FAM53A: variants seen among roughly 807,000 people sequenced by gnomAD.
The protein encoded by FAM53A is family with sequence similarity 53 member A.
FAM53A carries 28 observed loss-of-function variants against 26.6 expected under a neutral mutation model. That is an observed-to-expected ratio of 1.05 (90% CI 0.78 to 1.45). The LOEUF (loss-of-function observed/expected upper bound fraction) is 1.45, where lower values mean the gene tolerates loss of function less well. Ranked by LOEUF, FAM53A falls within the 40% of genes most tolerant of loss-of-function variation. The pLI, the probability that FAM53A is intolerant of heterozygous loss-of-function variation, is 0.00. For synonymous variants in FAM53A, 290 were observed against 253.1 expected, an observed-to-expected ratio of 1.15 and a Z score of -1.38; for missense variants, 650 against 575.8, an observed-to-expected ratio of 1.13 and a Z score of -1.32.
chr4:1,593,200 G>A, the FAM53A span, among the ~76,000 whole-genome samples: 2 of 152,186 alleles, frequency 1.3e-5, no homozygotes, highest in African/African-American at 2.4e-5. Flanking sequence ...CACCGGCCTC[G>A]CGGGTCCAGG....
intron 2 of FAM53A, among the ~76,000 whole-genome samples, chr4:1,660,062 C>T (rs1452957925): frequency 1.3e-5 from 2 of 151,980 alleles, no homozygotes; most frequent in Non-Finnish European, 2.9e-5. Flanking sequence ...GCGGGAGGAT[C>T]GCTTGAGCTC....
intron 1 of FAM53A, among the ~76,000 whole-genome samples, chr4:1,677,743 G>C (rs1715140535): frequency 6.6e-6 from 1 of 152,120 alleles, no homozygotes; most frequent in African/African-American, 2.4e-5. Flanking sequence ...AACTCACCCT[G>C]AGACCAGCCT....
intron 1 of FAM53A, among the ~76,000 whole-genome samples, chr4:1,624,135 C>G (rs1715177335): frequency 6.6e-6 from 1 of 152,248 alleles, no homozygotes; most frequent in Admixed American, 6.5e-5. Flanking sequence ...AGAAGAGCCC[C>G]TTGCTCAGTG....
At chr4:1,665,963 C>CTGT (rs1331914613) in intron 2 of FAM53A, among the ~76,000 whole-genome samples, 11 of 126,260 alleles carry the variant, frequency 8.7e-5, no homozygotes, top group South Asian at 2.6e-4. Context: ...CCTGCACCCC[C>CTGT]ATATCTAAAA....
At chr4:1,611,280 C>T in the FAM53A span, among the ~76,000 whole-genome samples, 5 of 152,118 alleles carry the variant, frequency 3.3e-5, no homozygotes, top group South Asian at 2.1e-4. Context: ...GGGGTCTGTC[C>T]GTGGGCCCTG....
Position 1,655,300 on chromosome 4 carries a change from G to A in FAM53A, c.560C>T (p.Pro187Leu), listed in dbSNP as rs367984289. 7.9e-4 allele frequency: 1,126 copies of A among 1,424,198 alleles called. 1 individual carries two copies. Among genetic ancestry groups the A allele is most frequent in the Middle Eastern group, 5.2e-3 (28 of 5,420 alleles). The allele number at this position is 1,424,198 out of a possible 1,614,324, so 88.2% of individuals were successfully genotyped here. Reference protein sequence around the residue: ...TGPTSPATPRPSSASGGFVDS... With the variant: ...TGPTSPATPRLSSASGGFVDS... Reference sequence around the variant, plus strand: ...CACGAAGCCGCCGCTGGCGGAGGACGGCCGGGGCGTGGCGGGCGAGGTGGG... The same window carrying A: ...CACGAAGCCGCCGCTGGCGGAGGACAGCCGGGGCGTGGCGGGCGAGGTGGG... The change falls in exon 4 of 5, where the codon CCG becomes CTG. Residue 187 changes from proline to leucine, a missense_variant. Transcript: ENST00000308132.
chr4:1,675,172 G>A (rs894571775), intron 1 of FAM53A, among the ~76,000 whole-genome samples: 6 of 152,242 alleles, frequency 3.9e-5, no homozygotes, highest in South Asian at 2.1e-4. Flanking sequence ...AGACCTCTGG[G>A]TTCCAGGTAG....
intron 2 of FAM53A, among the ~76,000 whole-genome samples, chr4:1,665,160 C>CA (rs1714131862): frequency 1.3e-5 from 2 of 151,340 alleles, no homozygotes; most frequent in South Asian, 2.1e-4. Flanking sequence ...ATTAAAAATA[C>CA]AAAAAAAATT....
chr4:1,629,477 T>C (rs4865427), intron 1 of FAM53A, among the ~76,000 whole-genome samples: 13,828 of 152,224 alleles, frequency 0.091, 652 homozygotes, highest in Middle Eastern at 0.19. Context: ...CAGGGGGCAG[T>C]AGGAGACATG....
chr4:1,648,382 G>A (rs1305757678), intron 4 of FAM53A, among the ~76,000 whole-genome samples: 1 of 152,192 alleles, frequency 6.6e-6, no homozygotes, highest in African/African-American at 2.4e-5. Context: ...GAGGGACACA[G>A]AGAAAGGTGG....
chr4:1,680,337 A>C (rs558820960), intron 1 of FAM53A, among the ~76,000 whole-genome samples: 28,394 of 148,016 alleles, frequency 0.19, 3,601 homozygotes, highest in Middle Eastern at 0.27. Flanking sequence ...AAAAAAAAAA[A>C]AAAAAAAACA....
intron 2 of FAM53A, among the ~76,000 whole-genome samples, chr4:1,663,908 A>G (rs2108969569): frequency 6.6e-6 from 1 of 152,222 alleles, no homozygotes; most frequent in South Asian, 2.1e-4. Flanking sequence ...ACTAGAGGAA[A>G]CCATAAGGGG....
At chr4:1,584,415 A>G in the FAM53A span, among the ~76,000 whole-genome samples, 1 of 152,254 alleles carries the variant, frequency 6.6e-6, no homozygotes, top group Non-Finnish European at 1.5e-5. Context: ...AATTTTCCCA[A>G]CATTATATGT....
At chr4:1,685,575 G>A (rs1715766404), upstream of FAM53A, among the ~76,000 whole-genome samples, 1 of 152,136 alleles carries the variant, frequency 6.6e-6, no homozygotes, top group African/African-American at 2.4e-5. Flanking sequence ...AACAGGTTCT[G>A]GGCCTGGTAA....
chr4:1,597,286 A>C, the FAM53A span, among the ~76,000 whole-genome samples: 3 of 145,502 alleles, frequency 2.1e-5, no homozygotes, highest in African/African-American at 2.6e-5. Context: ...TCCTCCCCCC[A>C]CCACTGCCCA....
intron 1 of FAM53A, among the ~76,000 whole-genome samples, chr4:1,623,418 G>T (rs2108750167): frequency 6.6e-6 from 1 of 152,008 alleles, no homozygotes; most frequent in East Asian, 1.9e-4. Flanking sequence ...GATGGCAGCT[G>T]TGAGGCTTGG....
the FAM53A span, among the ~76,000 whole-genome samples, chr4:1,608,686 C>A: frequency 2.6e-5 from 4 of 152,298 alleles, no homozygotes; most frequent in South Asian, 8.3e-4. Flanking sequence ...ACCTGACACC[C>A]GCTGCCCACC....
chr4:1,577,414 G>A, the FAM53A span, among the ~76,000 whole-genome samples: 1 of 152,120 alleles, frequency 6.6e-6, no homozygotes, highest in Non-Finnish European at 1.5e-5. Context: ...CAGCTCCCGT[G>A]GCCACAGGGT....
chr4:1,596,081 C>T, the FAM53A span, among the ~76,000 whole-genome samples: 42 of 152,332 alleles, frequency 2.8e-4, no homozygotes, highest in African/African-American at 8.7e-4. Flanking sequence ...CCTGCTCCTG[C>T]GCTGGGCAAA....
Sources: gnomAD v4.1 joint callset for allele counts (sites outside exome capture counted in the v4.1 genomes callset) on GRCh38, gnomAD v4.1.1 for gene constraint, MANE v1.5 for transcripts, NCBI Gene and HGNC (gene_info 2026-07-23, HGNC 2026-07-21) for gene names.